ATP8B4: variants seen among roughly 807,000 people sequenced by gnomAD.
ATP8B4 encodes ATPase phospholipid transporting 8B4 (putative).
In ATP8B4, 133 loss-of-function variants were observed where a neutral mutation model predicts 145.6. The ratio of observed to expected loss-of-function variants is 0.91; its 90% CI spans 0.79 to 1.05. The LOEUF is 1.05. Among genes scored for constraint, ATP8B4 ranks in the 50% least tolerant of loss-of-function variants. ATP8B4 has a pLI of 0.00. For missense variants in ATP8B4, 1,458 were observed against 1,425.2 expected (o/e 1.02, Z -0.37); for synonymous variants, 507 against 492.9 (o/e 1.03, Z -0.38).
At chr15:50,070,528 G>A (rs1027027363) in intron 3 of ATP8B4, among the ~76,000 whole-genome samples, 1 of 152,166 alleles carries the variant, frequency 6.6e-6, no homozygotes, top group African/African-American at 2.4e-5. Context: ...CCAAACCAAG[G>A]CAACACCACC....
chr15:49,917,715 T>C (rs2039884425), intron 19 of ATP8B4, among the ~76,000 whole-genome samples: 1 of 152,040 alleles, frequency 6.6e-6, no homozygotes, highest in Non-Finnish European at 1.5e-5. Flanking sequence ...TCTAATAGAG[T>C]TATTTGATTG....
At chr15:50,123,331 C>T (rs1297538461), upstream of ATP8B4, among the ~76,000 whole-genome samples, 2 of 152,172 alleles carry the variant, frequency 1.3e-5, no homozygotes, top group Non-Finnish European at 2.9e-5. Context: ...GGTAACAGCC[C>T]TTCCCCAAAC....
At chr15:50,138,432 CAGACAGATGATAGAT>C (rs71124325) in intron 1 of ATP8B4, among the ~76,000 whole-genome samples, 49,007 of 111,448 alleles carry the variant, frequency 0.44, 9,250 homozygotes, top group Middle Eastern at 0.58. Flanking sequence ...GAGAGATAGA[CAGACAGATGATAGAT>C]AGACAGATGA....
chr15:50,154,778 G>A (rs1001864571), intron 1 of ATP8B4, among the ~76,000 whole-genome samples: 5 of 151,878 alleles, frequency 3.3e-5, no homozygotes, highest in South Asian at 2.1e-4. Flanking sequence ...ATGTTCAAGC[G>A]ATTCTTCTGC....
intron 9 of ATP8B4, among the ~76,000 whole-genome samples, chr15:49,994,607 C>G (rs965493962): frequency 6.6e-6 from 1 of 151,734 alleles, no homozygotes; most frequent in Non-Finnish European, 1.5e-5. Flanking sequence ...GTATGCCAGA[C>G]AGTGCTAAGT....
intron 2 of ATP8B4, among the ~76,000 whole-genome samples, chr15:50,090,976 G>A (rs1458582635): frequency 2.0e-5 from 3 of 151,960 alleles, no homozygotes; most frequent in Non-Finnish European, 2.9e-5. Flanking sequence ...GTTATTAAGA[G>A]TACTTTTATT....
At chr15:50,081,356 T>C (rs115690253) in intron 2 of ATP8B4, among the ~76,000 whole-genome samples, 1,584 of 152,112 alleles carry the variant, frequency 0.01, 27 homozygotes, top group African/African-American at 0.037. Flanking sequence ...AACTGAAAAA[T>C]AGTAAATGGG....
intron 2 of ATP8B4, among the ~76,000 whole-genome samples, chr15:50,082,735 T>C (rs2054634064): frequency 6.6e-6 from 1 of 152,244 alleles, no homozygotes; most frequent in Non-Finnish European, 1.5e-5. Context: ...AGACTTATTA[T>C]GATAATGATA....
intron 3 of ATP8B4, among the ~76,000 whole-genome samples, chr15:50,063,255 T>C (rs955545232): frequency 3.9e-5 from 6 of 152,176 alleles, no homozygotes; most frequent in African/African-American, 1.2e-4. Context: ...AGGTCTCTAG[T>C]GATAAGACGC....
intron 6 of ATP8B4, among the ~76,000 whole-genome samples, chr15:50,034,855 T>G (rs576575496): frequency 6.6e-6 from 1 of 152,324 alleles, no homozygotes; most frequent in East Asian, 1.9e-4. Context: ...TGGCCAGGAA[T>G]AGTTAGCATG....
rs147193047 is a variant in ATP8B4 at position 49,972,607 on chromosome 15, T to A, written c.1218A>T (p.Arg406Ser). The change falls in exon 13 of 28, where the codon AGA becomes AGT. Residue 406 changes from arginine (R) to serine (S), a missense_variant. Transcript: ENST00000284509. ...CATAGATTCTCCCATTAATGGAACA[T>A]CTTTTAAAGGTCATGATGTTTTGAG... ...TLTQNIMTFK[R>S]CSINGRIYGE... 6.2e-7 allele frequency: 1 copy of A among 1,613,622 alleles called. No homozygotes were observed. The highest frequency in any genetic ancestry group is 1.3e-5 in the African/African-American group (1 of 74,888).
intron 8 of ATP8B4, among the ~76,000 whole-genome samples, chr15:50,000,416 G>T (rs1439088845): frequency 6.6e-6 from 1 of 151,132 alleles, no homozygotes; most frequent in African/African-American, 2.5e-5. Context: ...AGATCTTATT[G>T]TAGTTTTAGC....
At chr15:50,079,116 G>C (rs28635607) in intron 2 of ATP8B4, among the ~76,000 whole-genome samples, 3,721 of 152,172 alleles carry the variant, frequency 0.024, 130 homozygotes, top group African/African-American at 0.076. Context: ...AAATGTTTGA[G>C]GGGATGGATA....
chr15:49,998,182 C>G (rs1295391804), intron 8 of ATP8B4, among the ~76,000 whole-genome samples: 1 of 152,116 alleles, frequency 6.6e-6, no homozygotes, highest in Non-Finnish European at 1.5e-5. Flanking sequence ...TGTGAAAAAA[C>G]AAAAGAGGAA....
At chr15:49,890,702 A>T (rs2036689467) in intron 23 of ATP8B4, among the ~76,000 whole-genome samples, 1 of 152,100 alleles carries the variant, frequency 6.6e-6, no homozygotes, top group Admixed American at 6.6e-5. Context: ...AAACAGGACT[A>T]AAAAAAAGCC....
At chr15:50,141,189 C>T (rs1281653203) in intron 1 of ATP8B4, among the ~76,000 whole-genome samples, 1 of 152,118 alleles carries the variant, frequency 6.6e-6, no homozygotes, top group African/African-American at 2.4e-5. Context: ...GAAAGAGCGG[C>T]GACCTCCTTT....
At chr15:50,145,977 T>C (rs1380078172) in intron 1 of ATP8B4, among the ~76,000 whole-genome samples, 2 of 151,930 alleles carry the variant, frequency 1.3e-5, no homozygotes, top group Admixed American at 6.6e-5. Context: ...GATTATATTT[T>C]TATATAGTTT....
chr15:50,024,204 C>G (rs1159594998), intron 6 of ATP8B4, among the ~76,000 whole-genome samples: 2 of 152,116 alleles, frequency 1.3e-5, no homozygotes. Context: ...TGGATTTGTC[C>G]ACCCTGGACA....
chr15:50,165,378 A>G (rs2044580685), intron 1 of ATP8B4, among the ~76,000 whole-genome samples: 1 of 152,082 alleles, frequency 6.6e-6, no homozygotes, highest in Non-Finnish European at 1.5e-5. Context: ...TGATGTTAAA[A>G]CACAGTGAGG....
Sources: allele counts gnomAD v4.1 joint callset (sites outside exome capture counted in the v4.1 genomes callset), GRCh38; gene constraint gnomAD v4.1.1; transcripts MANE v1.5; gene names NCBI Gene and HGNC (gene_info 2026-07-23, HGNC 2026-07-21).